Variants in STPG4 observed in about 807,000 individuals in gnomAD.
STPG4 encodes sperm-tail PG-rich repeat containing 4.
In STPG4, 41 loss-of-function variants were observed where a neutral mutation model predicts 31.5. That is an observed-to-expected ratio of 1.30 (90% CI 1.01 to 1.69). The LOEUF (loss-of-function observed/expected upper bound fraction) is 1.69. STPG4 is among the 40% of genes most tolerant of loss of function. The probability of loss-of-function intolerance (pLI) is 0.00; values close to 1 mark genes in which losing one functional copy is unlikely to be tolerated. For synonymous variants in STPG4, 141 were observed against 103.0 expected, an observed-to-expected ratio of 1.37 and a Z score of -2.24; for missense variants, 375 against 293.4, an observed-to-expected ratio of 1.28 and a Z score of -2.03.
At chr2:47,126,354 C>T (rs1467355802) in intron 5 of STPG4, among the ~76,000 whole-genome samples, 1 of 151,766 alleles carries the variant, frequency 6.6e-6, no homozygotes, top group African/African-American at 2.4e-5. Flanking sequence ...CAGACAGGGT[C>T]TTGTTCTGTT....
intron 3 of STPG4, among the ~76,000 whole-genome samples, chr2:47,143,062 G>C (rs1200049509): frequency 6.6e-6 from 1 of 151,896 alleles, no homozygotes; most frequent in Non-Finnish European, 1.5e-5. Flanking sequence ...CTGGTCTTAG[G>C]TGATCTGCCT....
intron 5 of STPG4, among the ~76,000 whole-genome samples, chr2:47,102,744 T>A (rs1281277171): frequency 6.6e-6 from 1 of 151,762 alleles, no homozygotes; most frequent in Non-Finnish European, 1.5e-5. Flanking sequence ...CCCCGGGCTA[T>A]CGGTTATGTC....
At chr2:47,115,801 C>T (rs1216647082) in intron 5 of STPG4, among the ~76,000 whole-genome samples, 1 of 152,036 alleles carries the variant, frequency 6.6e-6, no homozygotes, top group East Asian at 1.9e-4. Flanking sequence ...TACAGGCGCA[C>T]GCTGCCATGC....
chr2:47,130,994 T>A (rs1219773206), intron 3 of STPG4, among the ~76,000 whole-genome samples: 1 of 149,534 alleles, frequency 6.7e-6, no homozygotes, highest in Non-Finnish European at 1.5e-5. Flanking sequence ...TTTTATTTTT[T>A]GTAGAGACAG....
intron 5 of STPG4, among the ~76,000 whole-genome samples, chr2:47,090,987 C>T (rs978668563): frequency 4.3e-4 from 66 of 152,310 alleles, no homozygotes; most frequent in African/African-American, 1.6e-3. Flanking sequence ...GGAAGGAGGG[C>T]TTTAACCTCA....
intron 5 of STPG4, among the ~76,000 whole-genome samples, chr2:47,121,573 C>T (rs1686272525): frequency 1.3e-5 from 2 of 152,182 alleles, no homozygotes; most frequent in Admixed American, 6.5e-5. Context: ...TGGAGATAAT[C>T]CCCACCTGTA....
intron 2 of STPG4, among the ~76,000 whole-genome samples, chr2:47,152,227 A>C (rs1686952997): frequency 6.6e-6 from 1 of 152,110 alleles, no homozygotes; most frequent in Non-Finnish European, 1.5e-5. Context: ...CTAGCCCTCA[A>C]GTGGGAAGCT....
At chr2:47,126,081 A>G (rs1686359922) in intron 5 of STPG4, among the ~76,000 whole-genome samples, 1 of 152,048 alleles carries the variant, frequency 6.6e-6, no homozygotes, top group Non-Finnish European at 1.5e-5. Flanking sequence ...ATTGGTCTCT[A>G]TGTCTGTTTT....
At chr2:47,145,593 C>T (rs1426112704) in intron 3 of STPG4, among the ~76,000 whole-genome samples, 2 of 152,122 alleles carry the variant, frequency 1.3e-5, no homozygotes, top group Non-Finnish European at 1.5e-5. Flanking sequence ...TCAAGAGTAA[C>T]GAGCAATACA....
At chr2:47,125,822 G>A (rs4322886) in intron 5 of STPG4, among the ~76,000 whole-genome samples, 1 of 151,912 alleles carries the variant, frequency 6.6e-6, no homozygotes, top group Non-Finnish European at 1.5e-5. Context: ...GCCTCCCAAA[G>A]TGCTAGGATT....
At chr2:47,130,351 A>G in intron 3 of STPG4, 91 bp from the exon 4 acceptor site, 1 of 1,018,784 alleles carries the variant, frequency 9.8e-7, no homozygotes, top group Non-Finnish European at 1.5e-6. Flanking sequence ...TTTTATGACC[A>G]TACAACATTG....
At chr2:47,121,866 G>A (rs977181161) in intron 5 of STPG4, among the ~76,000 whole-genome samples, 6 of 151,466 alleles carry the variant, frequency 4.0e-5, no homozygotes, top group Non-Finnish European at 7.4e-5. Context: ...GTGTGTGTGT[G>A]TGTGTGTGTG....
intron 5 of STPG4, among the ~76,000 whole-genome samples, chr2:47,118,318 A>C (rs1219457411): frequency 6.6e-6 from 1 of 151,964 alleles, no homozygotes; most frequent in East Asian, 1.9e-4. Flanking sequence ...TAGGTTGTGC[A>C]CTCCTTATGA....
At chr2:47,139,496 C>T (rs1686662801) in intron 3 of STPG4, among the ~76,000 whole-genome samples, 1 of 150,718 alleles carries the variant, frequency 6.6e-6, no homozygotes. Flanking sequence ...GTTCATTCTT[C>T]TAATAAGCCT....
intron 3 of STPG4, among the ~76,000 whole-genome samples, chr2:47,148,411 G>A (rs972810180): frequency 1.3e-5 from 2 of 151,498 alleles, no homozygotes; most frequent in Non-Finnish European, 2.9e-5. Flanking sequence ...TGCACATGTA[G>A]ACCCTGAATC....
intron 5 of STPG4, among the ~76,000 whole-genome samples, chr2:47,122,950 T>C (rs557860224): frequency 5.3e-5 from 8 of 152,086 alleles, no homozygotes; most frequent in Middle Eastern, 3.4e-3. Context: ...CTCAGCCTCC[T>C]GAGTAGCTGG....
intron 5 of STPG4, among the ~76,000 whole-genome samples, chr2:47,108,012 G>A (rs1410419078): frequency 1.3e-5 from 2 of 152,014 alleles, no homozygotes; most frequent in Non-Finnish European, 2.9e-5. Flanking sequence ...TCAGCACCCT[G>A]TGTCTAGCTC....
intron 5 of STPG4, among the ~76,000 whole-genome samples, chr2:47,096,761 C>T (rs886460102): frequency 6.6e-5 from 10 of 152,158 alleles, no homozygotes; most frequent in Non-Finnish European, 1.2e-4. Flanking sequence ...AAAGACATTT[C>T]GTCTAGGATC....
intron 3 of STPG4, among the ~76,000 whole-genome samples, chr2:47,142,550 G>A (rs115845202): frequency 6.6e-6 from 1 of 152,220 alleles, no homozygotes; most frequent in African/African-American, 2.4e-5. Flanking sequence ...GGGCATGATT[G>A]AAAGAGTATC....
Sources: gnomAD v4.1 joint callset for allele counts (sites outside exome capture counted in the v4.1 genomes callset) on GRCh38, gnomAD v4.1.1 for gene constraint, MANE v1.5 for transcripts, NCBI Gene and HGNC (gene_info 2026-07-23, HGNC 2026-07-21) for gene names.